Variants in ATAD2B observed in about 807,000 individuals in gnomAD.
ATAD2B encodes ATPase family AAA domain containing 2B, also known as ATPase family AAA domain-containing protein 2B.
Under a neutral mutation model 167.6 loss-of-function variants are expected in ATAD2B, and 40 were observed. The observed-to-expected ratio is 0.24, with a 90% confidence interval of 0.19 to 0.31. The LOEUF (loss-of-function observed/expected upper bound fraction) is 0.31, where lower values mean the gene tolerates loss of function less well. Ranked by LOEUF, ATAD2B falls within the 10% of genes least tolerant of loss-of-function variation. The probability of loss-of-function intolerance (pLI) is 1.00; values close to 1 mark genes in which losing one functional copy is unlikely to be tolerated. For missense variants in ATAD2B, 1,242 were observed against 1,757.2 expected (o/e 0.71, Z 5.24); for synonymous variants, 579 against 596.5 (o/e 0.97, Z 0.43).
intron 1 of ATAD2B, among the ~76,000 whole-genome samples, chr2:23,922,509 G>A (rs1704088682): frequency 6.6e-6 from 1 of 151,946 alleles, no homozygotes; most frequent in African/African-American, 2.4e-5. Flanking sequence ...AAATTTAAAA[G>A]TGAGGGCACA....
the ATAD2B span, among the ~76,000 whole-genome samples, chr2:23,711,579 C>T: frequency 6.6e-6 from 1 of 151,876 alleles, no homozygotes; most frequent in African/African-American, 2.4e-5. Context: ...CCATGTTGGC[C>T]AGGCTGGTCT....
chr2:23,802,035 C>T (rs1683585144), intron 18 of ATAD2B, among the ~76,000 whole-genome samples: 1 of 151,926 alleles, frequency 6.6e-6, no homozygotes, highest in Non-Finnish European at 1.5e-5. Flanking sequence ...GCAGAAAGCT[C>T]AAAGCCAGTA....
At chr2:23,782,532 C>A (rs1680219864) in intron 22 of ATAD2B, among the ~76,000 whole-genome samples, 1 of 152,114 alleles carries the variant, frequency 6.6e-6, no homozygotes, top group Non-Finnish European at 1.5e-5. Context: ...ATAAACTGAT[C>A]CTATTATGGA....
chr2:23,918,361 A>G (rs1202485876), intron 1 of ATAD2B, among the ~76,000 whole-genome samples: 2 of 152,270 alleles, frequency 1.3e-5, no homozygotes, highest in East Asian at 1.9e-4. Flanking sequence ...ACACAGCAAG[A>G]TCCTGTCTCA....
chr2:23,823,408 C>A lies in ATAD2B; in HGVS notation c.1981G>T (p.Val661Leu), dbSNP rs372488189. The part of the protein sequence containing the change: ...QDFYHAMQNI[V>L]PASQRAVMSS... Reference sequence around the variant, plus strand: ...ATCACAGCACGTTGGGAAGCAGGCACGATATTCTGCATTGCATGGTAAAAA... The same window carrying A: ...ATCACAGCACGTTGGGAAGCAGGCAAGATATTCTGCATTGCATGGTAAAAA... The change falls in exon 16 of 28, where the codon GTG becomes TTG. Residue 661 changes from valine (V) to leucine (L), a missense_variant. Physicochemically the swap from Val to Leu is conservative, Grantham distance 32. Coordinates refer to ENST00000238789, the MANE Select transcript of ATAD2B (RefSeq NM_017552.4). 1.2e-6 allele frequency: 2 copies of A among 1,613,928 alleles called. No individual in the cohort carries two copies. The highest frequency in any genetic ancestry group is 4.5e-5 in the East Asian group (2 of 44,880).
chr2:23,716,438 ATTGTTG>A, the ATAD2B span, among the ~76,000 whole-genome samples: 215 of 150,194 alleles, frequency 1.4e-3, 5 homozygotes, highest in South Asian at 0.035. Context: ...GGGACCTTTC[ATTGTTG>A]TTGTTGTTGT....
chr2:23,701,983 T>A, the ATAD2B span, among the ~76,000 whole-genome samples: 1 of 149,598 alleles, frequency 6.7e-6, no homozygotes, highest in African/African-American at 2.4e-5. Flanking sequence ...CAGCTAATTT[T>A]TTTTTTTTTT....
At chr2:23,884,686 C>T in intron 6 of ATAD2B, 79 bp downstream of exon 6, 1 of 732,942 alleles carries the variant, frequency 1.4e-6, no homozygotes, top group Non-Finnish European at 2.1e-6. Flanking sequence ...CAGCAACATT[C>T]TACATATATT....
chr2:23,887,939 G>A lies in ATAD2B; in HGVS notation c.465C>T (p.Asp155=). Residue 155 remains aspartate (D), a synonymous_variant, in exon 4 of 28, where the codon GAC becomes GAT. Transcript: ENST00000238789. ...PLRGEKKGDG[D]LSCINGDMEV... Reference sequence around the variant, plus strand: ...CCATGTCACCATTTATACAAGAAAGGTCCCCATCTCCCTTCTTTTCCCCTC... The same window carrying A: ...CCATGTCACCATTTATACAAGAAAGATCCCCATCTCCCTTCTTTTCCCCTC... 1 of 1,607,744 alleles carries A rather than the reference G, an allele frequency of 6.2e-7. No individual in the cohort carries two copies. Among genetic ancestry groups the A allele is most frequent in the Non-Finnish European group, 8.5e-7 (1 of 1,177,730 alleles).
intron 13 of ATAD2B, among the ~76,000 whole-genome samples, chr2:23,835,067 G>T (rs373201065): frequency 6.0e-4 from 91 of 152,188 alleles, no homozygotes; most frequent in African/African-American, 2.1e-3. Context: ...TTTTGATGAG[G>T]ATGTAGAGAA....
chr2:23,894,200 G>T (rs192219157), intron 2 of ATAD2B, among the ~76,000 whole-genome samples: 1 of 151,560 alleles, frequency 6.6e-6, no homozygotes, highest in African/African-American at 2.4e-5. Context: ...ATGAAATATC[G>T]GCCAGGCACG....
the ATAD2B span, chr2:23,693,349 G>A: frequency 6.4e-7 from 1 of 1,551,630 alleles, no homozygotes; most frequent in South Asian, 1.2e-5. Flanking sequence ...CTACCACATG[G>A]CCAAGGCCTT....
At chr2:23,719,281 G>A in the ATAD2B span, among the ~76,000 whole-genome samples, 3 of 152,066 alleles carry the variant, frequency 2.0e-5, no homozygotes, top group African/African-American at 7.2e-5. Context: ...AAAATGTTCA[G>A]GACACAATCC....
At chr2:23,795,868 G>C (rs1223121240) in intron 19 of ATAD2B, among the ~76,000 whole-genome samples, 2 of 149,844 alleles carry the variant, frequency 1.3e-5, no homozygotes, top group Non-Finnish European at 3.0e-5. Flanking sequence ...GGCTGAGTGA[G>C]ACTCCATCTC....
At position 23,911,052 on chromosome 2, in the gene ATAD2B, C is replaced by T. The variant is rs576027397; in HGVS notation, c.217-15082G>A. On this transcript the variant is annotated intron_variant, in intron 1 of 27. Coordinates refer to ENST00000238789, the MANE Select transcript of ATAD2B (RefSeq NM_017552.4). The stretch of plus-strand genomic sequence containing the variant: ...GACCAGCCTGACCAACATGGAGAAA[C>T]CCCATCTCTACTAAAAATACTAGCT... 2.6e-5 allele frequency among the ~76,000 whole-genome samples: 4 copies of T among 151,402 alleles called. No homozygotes were observed. In the South Asian group the frequency reaches 8.3e-4, roughly 32 times the overall value.
chr2:23,713,154 G>A, the ATAD2B span, among the ~76,000 whole-genome samples: 10 of 152,250 alleles, frequency 6.6e-5, no homozygotes, highest in Admixed American at 4.6e-4. Flanking sequence ...TTCACTACGT[G>A]TACAGAATTC....
At chr2:23,738,515 C>CA in the ATAD2B span, among the ~76,000 whole-genome samples, 1 of 152,132 alleles carries the variant, frequency 6.6e-6, no homozygotes, top group African/African-American at 2.4e-5. Flanking sequence ...ATTTTGTCAC[C>CA]ACCAGCCCTG....
chr2:23,812,959 T>C (rs1038423466), intron 17 of ATAD2B, among the ~76,000 whole-genome samples: 14 of 151,972 alleles, frequency 9.2e-5, no homozygotes, highest in African/African-American at 2.4e-4. Flanking sequence ...GTGAAACACA[T>C]AGTTTCATTT....
At chr2:23,884,932 A>C in intron 5 of ATAD2B, 59 bp from the exon 6 acceptor site, 1 of 1,140,256 alleles carries the variant, frequency 8.8e-7, no homozygotes, top group Non-Finnish European at 1.2e-6. Flanking sequence ...ACTACAAAAA[A>C]ACAACCCAAT....
Sources: gnomAD v4.1 joint callset for allele counts (sites outside exome capture counted in the v4.1 genomes callset) on GRCh38, gnomAD v4.1.1 for gene constraint, MANE v1.5 for transcripts, NCBI Gene and HGNC (gene_info 2026-07-23, HGNC 2026-07-21) for gene names.